CPS1: variants seen among roughly 807,000 people sequenced by gnomAD.
CPS1 encodes the protein carbamoyl-phosphate synthase [ammonia], mitochondrial.
In CPS1, 109 loss-of-function variants were observed where a neutral mutation model predicts 174.6. The observed-to-expected ratio is 0.62, with a 90% CI of 0.53 to 0.73. CPS1 has a LOEUF of 0.73. CPS1 is among the 30% of genes least tolerant of loss of function. The pLI, the probability that CPS1 is intolerant of heterozygous loss-of-function variation, is 0.00. For missense variants in CPS1, 1,689 were observed against 1,821.9 expected, an observed-to-expected ratio of 0.93 and a Z score of 1.33; for synonymous variants, 637 against 632.0, an observed-to-expected ratio of 1.01 and a Z score of -0.12.
intron 19 of CPS1, 72 bp downstream of exon 19, chr2:210,608,631 G>A: frequency 6.8e-7 from 1 of 1,469,260 alleles, no homozygotes; most frequent in East Asian, 2.3e-5. Context: ...ACCATTGACA[G>A]TGTTAAAGTT....
At chr2:210,618,919 T>C (rs961924089) in intron 21 of CPS1, 1 of 152,124 alleles carries the variant, frequency 6.6e-6, no homozygotes, top group Non-Finnish European at 1.5e-5. Flanking sequence ...AGATTAGTTG[T>C]TCTTTTTCAT....
intron 1 of CPS1, among the ~76,000 whole-genome samples, chr2:210,535,820 T>TTG (rs1491220978): frequency 3.6e-5 from 1 of 27,816 alleles, no homozygotes; most frequent in Non-Finnish European, 6.2e-5. Context: ...TTTTTCCTTG[T>TTG]TTTTTTTTTT....
chr2:210,480,727 C>G (rs1694544885), intron 1 of CPS1, among the ~76,000 whole-genome samples: 1 of 152,180 alleles, frequency 6.6e-6, no homozygotes, highest in Admixed American at 6.6e-5. Context: ...CACTTTTCTC[C>G]TAAGTACCAC....
intron 1 of CPS1, among the ~76,000 whole-genome samples, chr2:210,522,848 A>G (rs1356407580): frequency 1.3e-5 from 2 of 151,992 alleles, no homozygotes; most frequent in Non-Finnish European, 2.9e-5. Context: ...GAGCAGGTAA[A>G]AGTACTCTGT....
intron 2 of CPS1, 151 bp from the exon 3 acceptor site, chr2:210,576,195 A>C: frequency 1.1e-6 from 1 of 906,734 alleles, no homozygotes; most frequent in East Asian, 2.5e-5. Context: ...ATATTCTGTC[A>C]TAACATTTCC....
chr2:210,511,289 C>A (rs1295831316), intron 1 of CPS1, among the ~76,000 whole-genome samples: 1 of 152,000 alleles, frequency 6.6e-6, no homozygotes, highest in Admixed American at 6.6e-5. Context: ...GGAGAAAAAA[C>A]CAAACACCGC....
At chr2:210,617,623 T>C (rs772901538) in intron 21 of CPS1, 1 of 152,000 alleles carries the variant, frequency 6.6e-6, no homozygotes, top group Non-Finnish European at 1.5e-5. Flanking sequence ...TTTCATCTAT[T>C]TAATTATTGC....
intron 37 of CPS1, among the ~76,000 whole-genome samples, 179 bp downstream of exon 37, chr2:210,677,315 C>T (rs1003950001): frequency 1.3e-5 from 2 of 152,100 alleles, no homozygotes; most frequent in Non-Finnish European, 2.9e-5. Flanking sequence ...TTAAATGGGA[C>T]AGTTGGTGAT....
intron 5 of CPS1, 38 bp downstream of exon 5, chr2:210,579,808 G>A (rs753395646): frequency 3.2e-5 from 49 of 1,526,536 alleles, no homozygotes; most frequent in Admixed American, 5.0e-5. Flanking sequence ...ATGTTTCTTC[G>A]GGTGTGTGTG....
At chr2:210,523,569 C>G (rs762434341) in intron 1 of CPS1, among the ~76,000 whole-genome samples, 4 of 151,878 alleles carry the variant, frequency 2.6e-5, no homozygotes, top group Non-Finnish European at 4.4e-5. Context: ...TTATTTAGCT[C>G]CCATTTGTCA....
intron 34 of CPS1, 125 bp from the exon 35 acceptor site, chr2:210,674,776 AT>A: frequency 1.2e-6 from 1 of 815,340 alleles, no homozygotes; most frequent in South Asian, 1.4e-5. Context: ...AAAACTTGTC[AT>A]TTTTTAATAT....
At chr2:210,558,074 G>A (rs1696975929) in intron 1 of CPS1, among the ~76,000 whole-genome samples, 1 of 151,786 alleles carries the variant, frequency 6.6e-6, no homozygotes, top group Admixed American at 6.6e-5. Context: ...CAAGATCCCA[G>A]GAGAAAAGAG....
chr2:210,538,341 T>G (rs537920697), intron 1 of CPS1, among the ~76,000 whole-genome samples: 235 of 152,134 alleles, frequency 1.5e-3, no homozygotes, highest in Non-Finnish European at 3.1e-3. Flanking sequence ...ATTTGAAATA[T>G]CCTACTTTTG....
upstream of CPS1, chr2:210,556,489 A>G: frequency 2.4e-5 from 28 of 1,159,804 alleles, no homozygotes; most frequent in East Asian, 5.7e-5. Flanking sequence ...ATGTGTTGCA[A>G]TTTGTGTTAC....
intron 3 of CPS1, 143 bp from the exon 4 acceptor site, chr2:210,577,278 T>C (rs961909901): frequency 8.9e-5 from 62 of 696,504 alleles, no homozygotes; most frequent in Admixed American, 2.9e-4. Flanking sequence ...GCATTGATTT[T>C]TTTTTTTTTG....
chr2:210,594,642 T>C, intron 12 of CPS1, 36 bp downstream of exon 12: 1 of 1,462,846 alleles, frequency 6.8e-7, no homozygotes, highest in Non-Finnish European at 9.6e-7. Context: ...TTATGAATTT[T>C]GGATTGTCCC....
At chr2:210,535,118 C>G (rs767765228) in intron 1 of CPS1, among the ~76,000 whole-genome samples, 2 of 152,192 alleles carry the variant, frequency 1.3e-5, no homozygotes, top group Non-Finnish European at 2.9e-5. Context: ...CTCAAGAACT[C>G]ATGGCTACTT....
At chr2:210,629,313 C>CT (rs1241680028) in intron 21 of CPS1, among the ~76,000 whole-genome samples, 10 of 151,226 alleles carry the variant, frequency 6.6e-5, no homozygotes, top group African/African-American at 1.2e-4. Flanking sequence ...TATCAGCATC[C>CT]TTTTTTTTTC....
chr2:210,565,452 A>T (rs930966686), intron 1 of CPS1, among the ~76,000 whole-genome samples: 11 of 152,206 alleles, frequency 7.2e-5, no homozygotes, highest in Non-Finnish European at 1.5e-4. Flanking sequence ...TGATATCCAT[A>T]TTAGCTACAA....
Sources: allele counts gnomAD v4.1 joint callset (sites outside exome capture counted in the v4.1 genomes callset), GRCh38; gene constraint gnomAD v4.1.1; transcripts MANE v1.5; gene names NCBI Gene and HGNC (gene_info 2026-07-23, HGNC 2026-07-21).